Variants in CSMD1 observed in about 807,000 individuals in gnomAD.
CSMD1 encodes CUB and sushi domain-containing protein 1.
CSMD1 carries 213 observed loss-of-function variants against 417.5 expected under a neutral mutation model. The ratio of observed to expected loss-of-function variants is 0.51; its 90% CI spans 0.46 to 0.57. The LOEUF is 0.57. Ranked by LOEUF, CSMD1 falls within the 20% of genes least tolerant of loss-of-function variation. CSMD1 has a pLI of 0.00. For missense variants in CSMD1, 6,923 were observed against 4,529.7 expected, an observed-to-expected ratio of 1.53 and a Z score of -15.17; for synonymous variants, 2,862 against 1,736.8, an observed-to-expected ratio of 1.65 and a Z score of -16.11.
chr8:3,288,703 T>G (rs1203440475), intron 25 of CSMD1, among the ~76,000 whole-genome samples: 1 of 147,260 alleles, frequency 6.8e-6, no homozygotes, highest in Non-Finnish European at 1.5e-5. Context: ...CTTCTTTATT[T>G]TTCTTGATAG....
intron 41 of CSMD1, among the ~76,000 whole-genome samples, chr8:3,121,070 C>G (rs1817174997): frequency 6.8e-6 from 1 of 147,596 alleles, no homozygotes; most frequent in South Asian, 2.1e-4. Flanking sequence ...ATTATTTACA[C>G]TACAGAAATC....
intron 26 of CSMD1, among the ~76,000 whole-genome samples, chr8:3,261,112 T>A (rs1004809802): frequency 6.6e-6 from 1 of 152,200 alleles, no homozygotes; most frequent in Non-Finnish European, 1.5e-5. Context: ...AATGCAGAGA[T>A]ATCACTGCAT....
chr8:3,094,953 G>C (rs1442095498), intron 47 of CSMD1, among the ~76,000 whole-genome samples: 1 of 152,032 alleles, frequency 6.6e-6, no homozygotes, highest in African/African-American at 2.4e-5. Context: ...GACAATCCTA[G>C]TCACTGATTT....
intron 3 of CSMD1, among the ~76,000 whole-genome samples, chr8:4,399,155 G>C (rs1286033292): frequency 1.3e-5 from 2 of 152,124 alleles, no homozygotes; most frequent in Non-Finnish European, 2.9e-5. Context: ...AACTTTGTGT[G>C]ATCAGCATAC....
intron 3 of CSMD1, among the ~76,000 whole-genome samples, chr8:4,201,983 C>G (rs532765543): frequency 4.2e-4 from 63 of 151,722 alleles, no homozygotes; most frequent in African/African-American, 1.5e-3. Context: ...ATGAATCCTA[C>G]TTGCATTTTG....
intron 1 of CSMD1, among the ~76,000 whole-genome samples, chr8:4,694,643 G>A (rs143692767): frequency 8.6e-5 from 13 of 152,006 alleles, no homozygotes; most frequent in South Asian, 6.2e-4. Context: ...GATTACAGCC[G>A]TGAGTCACCG....
In CSMD1 at chr8:4,337,940, C is replaced by T. The variant is rs894186670; in HGVS notation, c.415+82013G>A. On this transcript the variant is annotated intron_variant, in intron 3 of 69. Coordinates refer to ENST00000635120, the MANE Select transcript of CSMD1 (RefSeq NM_033225.6). ...CAAATCGTTTATCATTTAATGATATCGCATTTCTCAACCTTTTTAAATATC... is the reference window on the plus strand; with the variant it reads ...CAAATCGTTTATCATTTAATGATATTGCATTTCTCAACCTTTTTAAATATC... Among the ~76,000 whole-genome samples, 78 of 152,070 alleles carry T rather than the reference C, an allele frequency of 5.1e-4. 1 individual carries two copies. The highest frequency in any genetic ancestry group is 4.1e-4 in the South Asian group (2 of 4,830).
At chr8:4,971,290 A>AT (rs906330188) in intron 1 of CSMD1, among the ~76,000 whole-genome samples, 19 of 152,148 alleles carry the variant, frequency 1.2e-4, no homozygotes, top group Middle Eastern at 3.4e-3. Context: ...CTCAACATGG[A>AT]TTTTCTACAC....
chr8:3,629,811 A>G (rs1377375354), intron 7 of CSMD1, among the ~76,000 whole-genome samples: 1 of 152,222 alleles, frequency 6.6e-6, no homozygotes, highest in Non-Finnish European at 1.5e-5. Flanking sequence ...GCTAAAAGAC[A>G]TAACTTCGGT....
At chr8:3,768,821 C>T (rs1265852788) in intron 5 of CSMD1, among the ~76,000 whole-genome samples, 2 of 152,202 alleles carry the variant, frequency 1.3e-5, no homozygotes, top group African/African-American at 2.4e-5. Flanking sequence ...TAATCCATTA[C>T]TTCCTTGGTG....
At chr8:4,745,271 G>C (rs559307805) in intron 1 of CSMD1, among the ~76,000 whole-genome samples, 1 of 152,004 alleles carries the variant, frequency 6.6e-6, no homozygotes, top group African/African-American at 2.4e-5. Context: ...TTTTCCTCTG[G>C]CAGAAAATTA....
intron 2 of CSMD1, among the ~76,000 whole-genome samples, chr8:4,464,658 G>A (rs1800048118): frequency 1.3e-5 from 2 of 152,070 alleles, no homozygotes; most frequent in Non-Finnish European, 2.9e-5. Context: ...GTAAGTCAGG[G>A]GCCGCCTGTA....
intron 2 of CSMD1, among the ~76,000 whole-genome samples, chr8:4,572,379 T>G (rs557140109): frequency 4.6e-5 from 7 of 152,346 alleles, no homozygotes; most frequent in Non-Finnish European, 1.0e-4. Flanking sequence ...CTTATGAAGC[T>G]TAGTTTGGCT....
At chr8:3,869,885 T>C (rs1480548869) in intron 5 of CSMD1, among the ~76,000 whole-genome samples, 1 of 151,854 alleles carries the variant, frequency 6.6e-6, no homozygotes, top group Non-Finnish European at 1.5e-5. Flanking sequence ...TTTGTATCAG[T>C]AGTGCTTGAA....
intron 2 of CSMD1, among the ~76,000 whole-genome samples, chr8:4,537,419 T>G (rs1416394635): frequency 6.6e-6 from 1 of 152,190 alleles, no homozygotes; most frequent in African/African-American, 2.4e-5. Flanking sequence ...TGTTTTGTGA[T>G]TATTCCTATT....
At chr8:4,125,436 G>C (rs1057321304) in intron 3 of CSMD1, among the ~76,000 whole-genome samples, 1 of 152,164 alleles carries the variant, frequency 6.6e-6, no homozygotes, top group African/African-American at 2.4e-5. Flanking sequence ...TTCATCTGTT[G>C]CTTGATGTCC....
At chr8:3,170,998 A>G (rs1585546351) in intron 37 of CSMD1, among the ~76,000 whole-genome samples, 2 of 152,354 alleles carry the variant, frequency 1.3e-5, no homozygotes, top group East Asian at 3.9e-4. Context: ...ATAATTAATG[A>G]TCTGCTCAAA....
intron 4 of CSMD1, among the ~76,000 whole-genome samples, chr8:4,019,238 C>G (rs1412566343): frequency 6.6e-6 from 1 of 152,196 alleles, no homozygotes; most frequent in Non-Finnish European, 1.5e-5. Context: ...TGAGTTAGGT[C>G]AGAGGCACTC....
chr8:2,971,820 C>A (rs1157907251), intron 57 of CSMD1, among the ~76,000 whole-genome samples: 4 of 152,074 alleles, frequency 2.6e-5, no homozygotes, highest in Non-Finnish European at 4.4e-5. Flanking sequence ...TATGGGTAAC[C>A]ATTTCTCACT....
Sources: gnomAD v4.1 joint callset for allele counts (sites outside exome capture counted in the v4.1 genomes callset) on GRCh38, gnomAD v4.1.1 for gene constraint, MANE v1.5 for transcripts, NCBI Gene and HGNC (gene_info 2026-07-23, HGNC 2026-07-21) for gene names.